PAK3: variants seen among roughly 807,000 people sequenced by gnomAD.
PAK3 encodes the protein p21 (RAC1) activated kinase 3.
A neutral mutation model predicts 41.0 loss-of-function variants in PAK3; 4 were observed. The ratio of observed to expected loss-of-function variants is 0.10; its 90% CI spans 0.05 to 0.22. The LOEUF (loss-of-function observed/expected upper bound fraction) is 0.22, where lower values mean the gene tolerates loss of function less well. Among genes scored for constraint, PAK3 ranks in the 10% least tolerant of loss-of-function variants. The pLI, the probability that PAK3 is intolerant of heterozygous loss-of-function variation, is 1.00. For synonymous variants in PAK3, 146 were observed against 139.6 expected, an observed-to-expected ratio of 1.05 and a Z score of -0.32; for missense variants, 205 against 409.9, an observed-to-expected ratio of 0.50 and a Z score of 4.32.
intron 1 of PAK3, among the ~76,000 whole-genome samples, chrX:111,036,729 G>A (rs970206273): frequency 1.6e-4 from 18 of 111,609 alleles, no homozygotes; most frequent in Non-Finnish European, 5.6e-5. Context: ...ACGCATGAGA[G>A]TGCCCATTTG....
At position 110,969,258 on chromosome X, in the gene PAK3, G is replaced by A. The variant is rs778843086; in HGVS notation, c.-28+24630G>A. On this transcript the variant is annotated intron_variant, in intron 1 of 14. Transcript: ENST00000425146. ...TGCCTAGGGATGTTCAATTGCTACA[G>A]CATTACTTGTCAAAAAGGCAATTCT... 3.9e-5 allele frequency among the ~76,000 whole-genome samples: 4 copies of A among 103,344 alleles called. No homozygotes were observed. In the East Asian group the frequency reaches 1.2e-3, roughly 32 times the overall value. 89.7% of individuals were successfully genotyped at this position (103,344 alleles called of 115,157 possible).
intron 4 of PAK3, among the ~76,000 whole-genome samples, chrX:111,113,176 C>T (rs896850554): frequency 2.7e-5 from 3 of 111,606 alleles, no homozygotes; most frequent in Non-Finnish European, 5.6e-5. Flanking sequence ...CCTGCTCAAG[C>T]GCTATATCCT....
At chrX:111,009,846 A>G (rs922775056) in intron 1 of PAK3, among the ~76,000 whole-genome samples, 14 of 112,359 alleles carry the variant, frequency 1.2e-4, no homozygotes, top group African/African-American at 4.5e-4. Context: ...GGGGCCAGGC[A>G]TTGTTAATAT....
At chrX:111,086,061 T>TTGTGTG (rs754802946) in intron 1 of PAK3, among the ~76,000 whole-genome samples, 918 of 81,746 alleles carry the variant, frequency 0.011, 15 homozygotes, top group African/African-American at 0.037. Context: ...TGATGTCAGC[T>TTGTGTG]TGTGTGTGTG....
chrX:110,976,201 A>G (rs1382084311), intron 1 of PAK3, among the ~76,000 whole-genome samples: 1 of 112,381 alleles, frequency 8.9e-6, no homozygotes, highest in Non-Finnish European at 1.9e-5. Context: ...AATTTTTGCA[A>G]TCTACCCATC....
intron 11 of PAK3, among the ~76,000 whole-genome samples, chrX:111,190,001 G>T (rs1048623314): frequency 1.8e-5 from 2 of 111,939 alleles, no homozygotes; most frequent in African/African-American, 3.2e-5. Context: ...TTATTAATTT[G>T]TTCATTCAAC....
chrX:111,040,349 C>T (rs1329143135), intron 1 of PAK3, among the ~76,000 whole-genome samples: 2 of 111,914 alleles, frequency 1.8e-5, no homozygotes, highest in African/African-American at 6.5e-5. Flanking sequence ...AAACTAAGTG[C>T]CCAGTAAATA....
intron 7 of PAK3, among the ~76,000 whole-genome samples, chrX:111,150,940 T>A (rs886462349): frequency 4.5e-5 from 5 of 111,743 alleles, no homozygotes; most frequent in Non-Finnish European, 7.5e-5. Context: ...AAGCAGGCTT[T>A]AAGTTTCTTT....
intron 16 of PAK3, among the ~76,000 whole-genome samples, chrX:111,197,908 T>C (rs1050130591): frequency 8.9e-6 from 1 of 112,113 alleles, no homozygotes; most frequent in Non-Finnish European, 1.9e-5. Flanking sequence ...TTGGCCAGGC[T>C]GGCCTCAAAC....
chrX:111,106,991 G>T (rs771577118), intron 4 of PAK3, among the ~76,000 whole-genome samples: 1 of 112,219 alleles, frequency 8.9e-6, no homozygotes, highest in African/African-American at 3.2e-5. Context: ...AGCCAGTCCT[G>T]TCCAACACAG....
intron 1 of PAK3, among the ~76,000 whole-genome samples, chrX:110,948,689 A>G (rs2090674844): frequency 9.0e-6 from 1 of 111,191 alleles, no homozygotes; most frequent in Non-Finnish European, 1.9e-5. Context: ...TGCACAAGGC[A>G]TTCAGTCTCT....
chrX:111,078,671 A>G (rs749188195), intron 1 of PAK3, among the ~76,000 whole-genome samples: 17 of 111,296 alleles, frequency 1.5e-4, no homozygotes, highest in Non-Finnish European at 2.3e-4. Flanking sequence ...TTCAAGTGAA[A>G]GGAAGAGCCG....
chrX:111,155,381 G>A (rs1291877849), intron 8 of PAK3, among the ~76,000 whole-genome samples: 1 of 109,439 alleles, frequency 9.1e-6, no homozygotes, highest in African/African-American at 3.3e-5. Context: ...CACACCTGCA[G>A]TCCCAACTAC....
At chrX:110,973,155 G>A (rs941771491) in intron 1 of PAK3, among the ~76,000 whole-genome samples, 3 of 111,652 alleles carry the variant, frequency 2.7e-5, no homozygotes, top group Non-Finnish European at 5.6e-5. Flanking sequence ...ATATTATCCA[G>A]GAGAACTTCC....
intron 1 of PAK3, among the ~76,000 whole-genome samples, chrX:111,036,282 G>T (rs956338536): frequency 1.2e-4 from 13 of 112,697 alleles, no homozygotes; most frequent in Non-Finnish European, 7.5e-5. Context: ...CATTATGTGA[G>T]AAATGGTCTA....
At chrX:111,004,542 C>G (rs993100672) in intron 1 of PAK3, among the ~76,000 whole-genome samples, 3 of 112,287 alleles carry the variant, frequency 2.7e-5, no homozygotes, top group Non-Finnish European at 5.6e-5. Context: ...TTTGTTAGCT[C>G]GAGTGAAGCT....
intron 5 of PAK3, among the ~76,000 whole-genome samples, chrX:111,133,584 A>G (rs747450747): frequency 1.2e-4 from 13 of 112,157 alleles, no homozygotes; most frequent in African/African-American, 3.9e-4. Context: ...CCACAATTCA[A>G]TATAGTTGCT....
At chrX:111,081,029 A>G (rs913006572) in intron 1 of PAK3, among the ~76,000 whole-genome samples, 1 of 111,672 alleles carries the variant, frequency 9.0e-6, no homozygotes, top group African/African-American at 3.3e-5. Flanking sequence ...AATTTTAAAA[A>G]GTTGCTTAAC....
At chrX:111,132,736 C>G (rs763105805) in intron 5 of PAK3, among the ~76,000 whole-genome samples, 11 of 111,626 alleles carry the variant, frequency 9.9e-5, no homozygotes, top group Non-Finnish European at 2.1e-4. Flanking sequence ...ATAACAGAAT[C>G]TGGAGCATGT....
Sources: gnomAD v4.1 joint callset for allele counts (sites outside exome capture counted in the v4.1 genomes callset) on GRCh38, gnomAD v4.1.1 for gene constraint, MANE v1.5 for transcripts, NCBI Gene and HGNC (gene_info 2026-07-23, HGNC 2026-07-21) for gene names.